Variants in UNC5C observed in about 807,000 individuals in gnomAD.
The protein encoded by UNC5C is netrin receptor UNC5C.
Under a neutral mutation model 99.8 loss-of-function variants are expected in UNC5C, and 47 were observed. The observed-to-expected ratio is 0.47, with a 90% CI of 0.37 to 0.60. The LOEUF (loss-of-function observed/expected upper bound fraction) is 0.60, where lower values mean the gene tolerates loss of function less well. Among genes scored for constraint, UNC5C ranks in the 20% least tolerant of loss-of-function variants. The pLI is 0.00. For missense variants in UNC5C, 1,062 were observed against 1,165.9 expected (o/e 0.91, Z 1.30); for synonymous variants, 487 against 452.2 (o/e 1.08, Z -0.98).
intron 3 of UNC5C, among the ~76,000 whole-genome samples, chr4:95,291,299 G>A (rs959863506): frequency 2.0e-5 from 3 of 152,066 alleles, no homozygotes; most frequent in Non-Finnish European, 2.9e-5. Context: ...CAACTTTATG[G>A]ATGAGGAAAC....
intron 5 of UNC5C, among the ~76,000 whole-genome samples, chr4:95,250,211 T>C (rs954450220): frequency 7.2e-5 from 11 of 151,982 alleles, no homozygotes; most frequent in African/African-American, 2.7e-4. Flanking sequence ...CAAGCAGCGA[T>C]GGAGATTGAA....
intron 1 of UNC5C, among the ~76,000 whole-genome samples, chr4:95,536,044 G>A (rs1420074095): frequency 1.3e-5 from 2 of 149,140 alleles, no homozygotes; most frequent in African/African-American, 4.9e-5. Flanking sequence ...TGTGTTGGCA[G>A]TCCATATACA....
intron 14 of UNC5C, among the ~76,000 whole-genome samples, chr4:95,177,115 C>T (rs968888510): frequency 5.9e-5 from 9 of 152,166 alleles, no homozygotes; most frequent in Admixed American, 1.3e-4. Context: ...GCACGGTGCG[C>T]GCACCCACTG....
At chr4:95,440,231 T>A (rs564579003) in intron 1 of UNC5C, among the ~76,000 whole-genome samples, 290 of 152,306 alleles carry the variant, frequency 1.9e-3, no homozygotes, top group Non-Finnish European at 3.2e-3. Context: ...GTAGATTGTT[T>A]TCAGTAGGAG....
intron 1 of UNC5C, among the ~76,000 whole-genome samples, chr4:95,355,869 A>C (rs1744164509): frequency 6.6e-6 from 1 of 152,132 alleles, no homozygotes; most frequent in Non-Finnish European, 1.5e-5. Context: ...TTTAATAAAC[A>C]ATACGTTAGT....
intron 4 of UNC5C, among the ~76,000 whole-genome samples, chr4:95,269,617 T>G (rs1740580788): frequency 6.6e-6 from 1 of 152,092 alleles, no homozygotes; most frequent in South Asian, 2.1e-4. Flanking sequence ...TGCTAAGATT[T>G]TCATTAAGAG....
intron 8 of UNC5C, 67 bp from the exon 9 acceptor site, chr4:95,219,380 T>C: frequency 1.4e-6 from 2 of 1,466,886 alleles, no homozygotes; most frequent in South Asian, 1.3e-5. Context: ...TTAGTCAGAC[T>C]CCCCCTCACA....
chr4:95,236,112 C>G (rs1442431075), intron 7 of UNC5C, among the ~76,000 whole-genome samples: 1 of 152,176 alleles, frequency 6.6e-6, no homozygotes, highest in Non-Finnish European at 1.5e-5. Context: ...ATAAATCATG[C>G]TGCTATAAAG....
chr4:95,468,720 G>A (rs1260846800), intron 1 of UNC5C, among the ~76,000 whole-genome samples: 1 of 152,058 alleles, frequency 6.6e-6, no homozygotes, highest in Non-Finnish European at 1.5e-5. Flanking sequence ...TGTTTAATGA[G>A]CCTTAAAGGT....
At chr4:95,336,019 A>G (rs1030677824) in intron 1 of UNC5C, among the ~76,000 whole-genome samples, 3 of 151,904 alleles carry the variant, frequency 2.0e-5, no homozygotes, top group African/African-American at 7.2e-5. Flanking sequence ...AGAAACATGT[A>G]TTTGAAAATC....
intron 1 of UNC5C, among the ~76,000 whole-genome samples, chr4:95,510,289 A>T (rs1268008696): frequency 6.6e-6 from 1 of 151,978 alleles, no homozygotes; most frequent in Non-Finnish European, 1.5e-5. Flanking sequence ...TTATCAAGTA[A>T]ATATTTATCT....
rs150571283 is a variant in UNC5C at position 95,314,475 on chromosome 4, C to T, written c.347-12726G>A. 5.4e-3 allele frequency among the ~76,000 whole-genome samples: 817 copies of T among 152,302 alleles called. 9 individuals carry two copies. The highest frequency in any genetic ancestry group is 0.019 in the African/African-American group (780 of 41,572). The stretch of plus-strand genomic sequence containing the variant: ...TCTACTTATTTTGACAACCACAATG[C>T]TTGCACAGCTCCTCTATCAGGCATT... On this transcript the variant is annotated intron_variant, in intron 2 of 15. Transcript: ENST00000453304.
intron 7 of UNC5C, among the ~76,000 whole-genome samples, chr4:95,225,382 T>TAA (rs1473133905): frequency 6.6e-6 from 1 of 152,130 alleles, no homozygotes; most frequent in Non-Finnish European, 1.5e-5. Context: ...GATTTTATTC[T>TAA]AAGTGAAATG....
chr4:95,237,323 T>TA (rs1308068369), intron 7 of UNC5C, among the ~76,000 whole-genome samples: 1 of 152,172 alleles, frequency 6.6e-6, no homozygotes, highest in Non-Finnish European at 1.5e-5. Flanking sequence ...ACTCTTGACT[T>TA]ATATTGTCAA....
At chr4:95,186,833 C>G (rs1417340043) in intron 12 of UNC5C, among the ~76,000 whole-genome samples, 2 of 152,116 alleles carry the variant, frequency 1.3e-5, no homozygotes, top group African/African-American at 4.8e-5. Flanking sequence ...CCCCCAGCCA[C>G]AGTCAGCCAG....
At chr4:95,175,696 T>G (rs1736312287) in intron 14 of UNC5C, among the ~76,000 whole-genome samples, 1 of 152,178 alleles carries the variant, frequency 6.6e-6, no homozygotes, top group African/African-American at 2.4e-5. Flanking sequence ...TCATTTCAAC[T>G]TTGGTGAATC....
chr4:95,238,666 A>G (rs12643654), intron 7 of UNC5C, among the ~76,000 whole-genome samples: 11,828 of 152,174 alleles, frequency 0.078, 590 homozygotes, highest in East Asian at 0.16. Context: ...TCTTTTATTC[A>G]GTAAATGTTG....
chr4:95,488,322 G>T (rs1452570949), intron 1 of UNC5C, among the ~76,000 whole-genome samples: 1 of 151,648 alleles, frequency 6.6e-6, no homozygotes, highest in Middle Eastern at 3.2e-3. Context: ...TTCTAAGAAG[G>T]ATTTGCATGA....
In UNC5C at chr4:95,311,173, C is replaced by T. The variant is rs1742262069; in HGVS notation, c.347-9424G>A. Among the ~76,000 whole-genome samples, 4 of 152,012 alleles carry T rather than the reference C, an allele frequency of 2.6e-5. No individual in the cohort carries two copies. In the South Asian group the frequency reaches 8.3e-4, roughly 32 times the overall value. ...CTAGCTGTCATTTAATTCTTTTTAA[C>T]TTTGGTGATTAAAAAAAAATCTTTC... On this transcript the variant is annotated intron_variant, in intron 2 of 15. Transcript: ENST00000453304.
Sources: allele counts gnomAD v4.1 joint callset (sites outside exome capture counted in the v4.1 genomes callset), GRCh38; gene constraint gnomAD v4.1.1; transcripts MANE v1.5; gene names NCBI Gene and HGNC (gene_info 2026-07-23, HGNC 2026-07-21).